CFAP68: variants seen among roughly 807,000 people sequenced by gnomAD.
CFAP68 encodes the protein cilia- and flagella-associated protein 68.
At chr11:111,879,792 C>G in the CFAP68 span, among the ~76,000 whole-genome samples, 22 of 152,046 alleles carry the variant, frequency 1.4e-4, no homozygotes, top group Non-Finnish European at 2.9e-4. Flanking sequence ...AGGGTGTGTG[C>G]TCTGGGAGCA....
chr11:111,879,623 C>T, the CFAP68 span: 707 of 1,609,120 alleles, frequency 4.4e-4, 3 homozygotes, highest in East Asian at 0.015. Context: ...AATCTCCTAT[C>T]TTCTATTCGT....
At chr11:111,882,510 C>G in the CFAP68 span, 1 of 1,614,112 alleles carries the variant, frequency 6.2e-7, no homozygotes, top group South Asian at 1.1e-5. Flanking sequence ...AATGAGAATA[C>G]CTATTCAAAC....
the CFAP68 span, chr11:111,882,403 C>T: frequency 2.5e-6 from 4 of 1,614,056 alleles, no homozygotes; most frequent in East Asian, 4.5e-5. Context: ...CAAACCCACA[C>T]TGTGGCAGCC....
the CFAP68 span, chr11:111,881,619 T>A: frequency 6.5e-7 from 1 of 1,531,258 alleles, no homozygotes; most frequent in Non-Finnish European, 8.7e-7. Flanking sequence ...AGGAAAGGTA[T>A]CATCTTCCTA....
the CFAP68 span, chr11:111,884,092 T>G: frequency 9.3e-6 from 4 of 429,268 alleles, no homozygotes; most frequent in Non-Finnish European, 1.6e-5. Context: ...TATCCCTTTT[T>G]TTGTTGTTGT....
the CFAP68 span, chr11:111,880,698 G>GA: frequency 2.2e-6 from 1 of 451,294 alleles, no homozygotes; most frequent in South Asian, 1.6e-5. Flanking sequence ...TCTGCATATG[G>GA]AGTAGCCATT....
At chr11:111,883,321 G>A in the CFAP68 span, 4 of 850,066 alleles carry the variant, frequency 4.7e-6, no homozygotes, top group South Asian at 3.3e-5. Flanking sequence ...TGGGCGCAGT[G>A]GCTCACACCT....
chr11:111,882,489 G>A, the CFAP68 span: 11 of 1,613,972 alleles, frequency 6.8e-6, no homozygotes, highest in South Asian at 2.2e-5. Flanking sequence ...TATGGATGGC[G>A]ATGCACCACT....
chr11:111,880,723 T>C, the CFAP68 span: 2 of 455,054 alleles, frequency 4.4e-6, no homozygotes, highest in African/African-American at 4.0e-5. Flanking sequence ...ATTCCTTTAC[T>C]TTCTTAATAA....
the CFAP68 span, chr11:111,882,243 A>G: frequency 2.6e-6 from 2 of 755,220 alleles, no homozygotes; most frequent in South Asian, 1.9e-5. Context: ...GAACCATAAC[A>G]TAGCCTGGAT....
At chr11:111,883,793 G>A in the CFAP68 span, 46 of 1,612,596 alleles carry the variant, frequency 2.9e-5, 1 homozygote, top group Middle Eastern at 3.3e-4. Flanking sequence ...AGCCTCACTG[G>A]TTCCCAGGAC....
At chr11:111,885,277 A>C in the CFAP68 span, 417 of 152,462 alleles carry the variant, frequency 2.7e-3, 3 homozygotes, top group Non-Finnish European at 2.6e-3. Flanking sequence ...TGGGAGTTCA[A>C]AACCAGCCTG....
chr11:111,881,855 G>A, the CFAP68 span, among the ~76,000 whole-genome samples: 1 of 152,156 alleles, frequency 6.6e-6, no homozygotes, highest in Non-Finnish European at 1.5e-5. Context: ...CTAATGTATG[G>A]TAAAAAGTTA....
the CFAP68 span, chr11:111,883,157 A>G: frequency 3.2e-6 from 5 of 1,580,326 alleles, no homozygotes; most frequent in Middle Eastern, 1.7e-4. Flanking sequence ...CTTTGAAACA[A>G]CATATGATAC....
the CFAP68 span, chr11:111,885,534 A>G: frequency 4.6e-5 from 7 of 152,220 alleles, no homozygotes; most frequent in African/African-American, 1.4e-4. Context: ...AGGATTTGAG[A>G]TAAGGGTCCA....
At chr11:111,882,637 CTGT>C in the CFAP68 span, 1 of 1,488,478 alleles carries the variant, frequency 6.7e-7, no homozygotes, top group Admixed American at 2.2e-5. Flanking sequence ...TTGTTTCCTT[CTGT>C]TGGCAAAAGA....
the CFAP68 span, among the ~76,000 whole-genome samples, chr11:111,880,545 G>A: frequency 2.6e-5 from 4 of 152,084 alleles, no homozygotes; most frequent in Non-Finnish European, 5.9e-5. Context: ...TCCCACCAGC[G>A]CCATGACAGT....
the CFAP68 span, chr11:111,882,529 G>A: frequency 6.2e-7 from 1 of 1,613,874 alleles, no homozygotes; most frequent in African/African-American, 1.3e-5. Flanking sequence ...ACCGTACCCT[G>A]ATGGGCAACT....
the CFAP68 span, chr11:111,883,693 G>C: frequency 6.2e-6 from 6 of 968,960 alleles, no homozygotes; most frequent in East Asian, 1.2e-4. Flanking sequence ...CTAGAAATAA[G>C]AGCAAGATCA....
Sources: allele counts gnomAD v4.1 joint callset (sites outside exome capture counted in the v4.1 genomes callset), GRCh38; gene constraint gnomAD v4.1.1; transcripts MANE v1.5; gene names NCBI Gene and HGNC (gene_info 2026-07-23, HGNC 2026-07-21).